PBLD: variants seen among roughly 807,000 people sequenced by gnomAD.
The protein encoded by PBLD is phenazine biosynthesis like protein domain containing.
PBLD carries 26 observed loss-of-function variants against 31.3 expected under a neutral mutation model. That is an observed-to-expected ratio of 0.83 (90% CI 0.61 to 1.15). The LOEUF (loss-of-function observed/expected upper bound fraction) is 1.15. PBLD is among the 50% of genes most tolerant of loss of function. The probability of loss-of-function intolerance (pLI) is 0.00; values close to 1 mark genes in which losing one functional copy is unlikely to be tolerated. For synonymous variants in PBLD, 114 were observed against 129.0 expected (o/e 0.88, Z 0.79); for missense variants, 307 against 351.7 (o/e 0.87, Z 1.02).
intron 1 of PBLD, among the ~76,000 whole-genome samples, chr10:68,310,646 C>CT (rs1484971590): frequency 1.3e-5 from 2 of 149,282 alleles, no homozygotes; most frequent in Non-Finnish European, 3.0e-5. Flanking sequence ...ATTCTACTCT[C>CT]TACTTCTACA....
intron 1 of PBLD, among the ~76,000 whole-genome samples, 171 bp downstream of exon 1, chr10:68,332,613 T>G (rs917388812): frequency 4.0e-5 from 6 of 151,614 alleles, no homozygotes; most frequent in Non-Finnish European, 7.4e-5. Flanking sequence ...GAGGGGGTGG[T>G]CAAAGCTCCC....
intron 2 of PBLD, among the ~76,000 whole-genome samples, chr10:68,298,343 C>A (rs1205033378): frequency 6.6e-6 from 1 of 151,902 alleles, no homozygotes; most frequent in Admixed American, 6.6e-5. Flanking sequence ...TGCCTATAAT[C>A]CCAGCACTTT....
intron 2 of PBLD, among the ~76,000 whole-genome samples, chr10:68,299,622 G>A (rs554463441): frequency 2.0e-5 from 3 of 152,134 alleles, no homozygotes; most frequent in East Asian, 1.9e-4. Flanking sequence ...TTAGGAGGGC[G>A]AGGCGGGTAG....
intron 1 of PBLD, among the ~76,000 whole-genome samples, chr10:68,330,576 C>T (rs1163766808): frequency 2.6e-5 from 4 of 152,130 alleles, no homozygotes; most frequent in Non-Finnish European, 4.4e-5. Flanking sequence ...GACGGAGTCT[C>T]GCTCTGTCGC....
At chr10:68,331,711 G>A (rs1167582603) in intron 1 of PBLD, 1 of 152,304 alleles carries the variant, frequency 6.6e-6, no homozygotes, top group Non-Finnish European at 1.5e-5. Context: ...TGTTCACGGT[G>A]GGGGCAGATC....
At chr10:68,322,300 T>C (rs2044846774) in intron 1 of PBLD, among the ~76,000 whole-genome samples, 1 of 152,004 alleles carries the variant, frequency 6.6e-6, no homozygotes, top group African/African-American at 2.4e-5. Context: ...GATGGGATCC[T>C]GGAACAGAAA....
chr10:68,283,890 G>T lies in PBLD; in HGVS notation c.*287C>A. On this transcript the variant is annotated 3_prime_UTR_variant, in exon 10 of 10. Transcript: ENST00000358769. Reference sequence around the variant, plus strand: ...GCCTCCCAAGTAGCTGGAATTACAGGCATGTGGCACCACACCCAGCTAATT... The same window carrying T: ...GCCTCCCAAGTAGCTGGAATTACAGTCATGTGGCACCACACCCAGCTAATT... The T allele has an allele frequency of 3.7e-6, 1 of 270,660 alleles. No individual in the cohort carries two copies. Among genetic ancestry groups the T allele is most frequent in the Non-Finnish European group, 7.2e-6 (1 of 139,244 alleles). The allele number at this position is 270,660 out of a possible 1,614,324, so 16.8% of individuals were successfully genotyped here.
intron 2 of PBLD, among the ~76,000 whole-genome samples, chr10:68,306,344 TCTAA>T (rs2044578854): frequency 6.6e-6 from 1 of 152,202 alleles, no homozygotes; most frequent in Non-Finnish European, 1.5e-5. Context: ...GAAAAGAATT[TCTAA>T]TTGCCTGAGC....
intron 1 of PBLD, among the ~76,000 whole-genome samples, chr10:68,318,375 TAAAAAAA>T (rs34722771): frequency 0.014 from 715 of 51,298 alleles, 11 homozygotes; most frequent in African/African-American, 0.054. Flanking sequence ...CTGCCTCTAT[TAAAAAAA>T]AAAAAAAAAA....
intron 6 of PBLD, among the ~76,000 whole-genome samples, chr10:68,290,093 TG>T (rs2044339487): frequency 6.6e-6 from 1 of 152,162 alleles, no homozygotes; most frequent in South Asian, 2.1e-4. Context: ...AGGGGGATTA[TG>T]AGGAGACAAC....
intron 1 of PBLD, among the ~76,000 whole-genome samples, chr10:68,330,915 C>T (rs1319395081): frequency 6.6e-6 from 1 of 152,178 alleles, no homozygotes; most frequent in African/African-American, 2.4e-5. Context: ...AGTGCACTGG[C>T]GCAATCACGG....
In PBLD at chr10:68,296,348, CA is replaced by C. The variant is rs776484695; in HGVS notation, c.200del (p.Leu67ArgfsTer28). On this transcript the variant is annotated frameshift_variant, in exon 4 of 10. Coordinates refer to ENST00000358769, the MANE Select transcript of PBLD (RefSeq NM_022129.4). LOFTEE classifies it high-confidence loss of function. ...CCTCACTCGCTGGTGTAAACCATCT[CA>C]GTCCAAAGCAGGAACCTGAGGATAG... ...DNFAQSSCFG[L>X]RWFTPASEVP... 67 of 1,613,624 alleles carry C rather than the reference CA, an allele frequency of 4.2e-5. No homozygotes were observed. The African/African-American group carries it at 8.9e-4, about 22-fold the overall frequency.
intron 1 of PBLD, among the ~76,000 whole-genome samples, chr10:68,324,255 C>A (rs557481808): frequency 6.6e-6 from 1 of 152,232 alleles, no homozygotes; most frequent in African/African-American, 2.4e-5. Flanking sequence ...GGGCTCACTG[C>A]AACCTCTGCC....
At chr10:68,292,497 T>C (rs939128219) in intron 4 of PBLD, among the ~76,000 whole-genome samples, 4 of 145,302 alleles carry the variant, frequency 2.8e-5, no homozygotes, top group Non-Finnish European at 6.0e-5. Flanking sequence ...ACTGTGCCCT[T>C]ACTAACTTAG....
chr10:68,319,081 A>AAGAAAGAG (rs1323557050), intron 1 of PBLD, among the ~76,000 whole-genome samples: 9 of 131,236 alleles, frequency 6.9e-5, no homozygotes, highest in Non-Finnish European at 1.2e-4. Context: ...GAAAGAAAGA[A>AAGAAAGAG]AGAAAGAAAG....
chr10:68,296,334 G>A lies in PBLD; in HGVS notation c.215C>T (p.Pro72Leu). ...GCCACAGAGTGGGACCTCACTCGCT[G>A]GTGTAAACCATCTCAGTCCAAAGCA... ...SSCFGLRWFT[P>L]ASEVPLCGHA... is the part of the protein sequence containing the mutation. The change falls in exon 4 of 10, where the codon CCA (proline) becomes CTA (leucine). Residue 72 changes from proline (P) to leucine (L), a missense_variant. Coordinates refer to ENST00000358769, the MANE Select transcript of PBLD (RefSeq NM_022129.4). The A allele has an allele frequency of 9.9e-6, 16 of 1,614,060 alleles. No homozygotes were observed. Among genetic ancestry groups the A allele is most frequent in the Non-Finnish European group, 1.4e-5 (16 of 1,179,956 alleles).
At chr10:68,299,106 C>CAA (rs35915509) in intron 2 of PBLD, among the ~76,000 whole-genome samples, 55,369 of 79,050 alleles carry the variant, frequency 0.7, 20,421 homozygotes, top group Non-Finnish European at 0.77. Flanking sequence ...GAGTCCGTCT[C>CAA]AAAAAAAAAA....
intron 1 of PBLD, among the ~76,000 whole-genome samples, chr10:68,320,103 G>A (rs994811071): frequency 3.9e-5 from 6 of 152,096 alleles, no homozygotes; most frequent in South Asian, 4.1e-4. Flanking sequence ...GATTACACGC[G>A]TGAGCCACTC....
At chr10:68,326,978 C>T (rs747732816) in intron 1 of PBLD, among the ~76,000 whole-genome samples, 1 of 152,014 alleles carries the variant, frequency 6.6e-6, no homozygotes, top group Non-Finnish European at 1.5e-5. Flanking sequence ...ACCAGGGAGT[C>T]AAGGGTTGCA....
Sources: gnomAD v4.1 joint callset for allele counts (sites outside exome capture counted in the v4.1 genomes callset) on GRCh38, gnomAD v4.1.1 for gene constraint, MANE v1.5 for transcripts, NCBI Gene and HGNC (gene_info 2026-07-23, HGNC 2026-07-21) for gene names.